CNTN5: variants seen among roughly 807,000 people sequenced by gnomAD.
CNTN5 encodes the protein contactin 5, also known as contactin-5.
A neutral mutation model predicts 129.1 loss-of-function variants in CNTN5; 77 were observed. The ratio of observed to expected loss-of-function variants is 0.60; its 90% CI spans 0.50 to 0.72. The LOEUF (loss-of-function observed/expected upper bound fraction) is 0.72. Among genes scored for constraint, CNTN5 ranks in the 30% least tolerant of loss-of-function variants. The probability of loss-of-function intolerance (pLI) is 0.00; values close to 1 mark genes in which losing one functional copy is unlikely to be tolerated. For synonymous variants in CNTN5, 509 were observed against 465.6 expected, an observed-to-expected ratio of 1.09 and a Z score of -1.20; for missense variants, 1,478 against 1,328.8, an observed-to-expected ratio of 1.11 and a Z score of -1.75.
At chr11:99,456,262 C>T (rs1431361848) in intron 2 of CNTN5, among the ~76,000 whole-genome samples, 3 of 151,846 alleles carry the variant, frequency 2.0e-5, no homozygotes, top group South Asian at 2.1e-4. Context: ...ATCAACCCAC[C>T]GACAGAACTG....
chr11:100,136,596 A>G (rs1414959391), intron 13 of CNTN5, among the ~76,000 whole-genome samples: 1 of 152,068 alleles, frequency 6.6e-6, no homozygotes, highest in East Asian at 1.9e-4. Flanking sequence ...AAAAAAAATC[A>G]TATGAATAAT....
At chr11:99,059,834 TA>T (rs1296534253) in intron 1 of CNTN5, among the ~76,000 whole-genome samples, 2 of 152,084 alleles carry the variant, frequency 1.3e-5, no homozygotes, top group African/African-American at 4.8e-5. Flanking sequence ...ATGTGATGGG[TA>T]AAGTTTAATT....
At chr11:99,995,336 A>C (rs895322704) in intron 8 of CNTN5, among the ~76,000 whole-genome samples, 2 of 151,942 alleles carry the variant, frequency 1.3e-5, no homozygotes, top group Non-Finnish European at 2.9e-5. Flanking sequence ...TAAAAAAAAA[A>C]ACAATAAATA....
chr11:100,287,615 C>A (rs1333611569), intron 18 of CNTN5, among the ~76,000 whole-genome samples: 2 of 151,130 alleles, frequency 1.3e-5, no homozygotes, highest in African/African-American at 4.9e-5. Flanking sequence ...AAGCACTAAA[C>A]ATGGAAAGGA....
At chr11:100,096,105 T>C (rs1268036884) in intron 13 of CNTN5, among the ~76,000 whole-genome samples, 1 of 152,070 alleles carries the variant, frequency 6.6e-6, no homozygotes, top group Non-Finnish European at 1.5e-5. Context: ...TTGCTTGCTT[T>C]AGTGTTTTAC....
chr11:99,378,952 G>A (rs1329798564), intron 2 of CNTN5, among the ~76,000 whole-genome samples: 2 of 152,008 alleles, frequency 1.3e-5, no homozygotes, highest in African/African-American at 2.4e-5. Flanking sequence ...ACATATCAAT[G>A]AGATAGTTTG....
intron 18 of CNTN5, 97 bp downstream of exon 18, chr11:100,271,338 A>C: frequency 1.3e-6 from 1 of 785,272 alleles, no homozygotes; most frequent in Non-Finnish European, 1.9e-6. Context: ...TTGCTTTAGC[A>C]TAATTTGTCC....
At chr11:99,855,297 T>G (rs1947998462) in intron 6 of CNTN5, among the ~76,000 whole-genome samples, 1 of 152,108 alleles carries the variant, frequency 6.6e-6, no homozygotes, top group South Asian at 2.1e-4. Context: ...AGTGAACTCT[T>G]TCTCAGAAAA....
At chr11:99,877,452 A>G (rs1203299882) in intron 6 of CNTN5, among the ~76,000 whole-genome samples, 1 of 152,190 alleles carries the variant, frequency 6.6e-6, no homozygotes, top group African/African-American at 2.4e-5. Context: ...GAAATTTACC[A>G]AAACCACATT....
chr11:100,082,652 G>T (rs1944408583), intron 13 of CNTN5, among the ~76,000 whole-genome samples: 1 of 152,020 alleles, frequency 6.6e-6, no homozygotes, highest in African/African-American at 2.4e-5. Flanking sequence ...TAAAATAATG[G>T]TATATTATCA....
At chr11:99,291,182 G>A (rs573710969) in intron 1 of CNTN5, among the ~76,000 whole-genome samples, 5 of 151,868 alleles carry the variant, frequency 3.3e-5, no homozygotes, top group Non-Finnish European at 5.9e-5. Context: ...ACATTTTCTA[G>A]TGAGGCCATA....
At chr11:99,994,490 T>C (rs1487853897) in intron 8 of CNTN5, among the ~76,000 whole-genome samples, 1 of 152,138 alleles carries the variant, frequency 6.6e-6, no homozygotes, top group Non-Finnish European at 1.5e-5. Flanking sequence ...CTAGAAATAA[T>C]TATATAGAAA....
At chr11:99,083,571 C>A (rs1284989570) in intron 1 of CNTN5, among the ~76,000 whole-genome samples, 1 of 151,870 alleles carries the variant, frequency 6.6e-6, no homozygotes, top group African/African-American at 2.4e-5. Context: ...CTAATACTGG[C>A]TCTAGAAGTG....
chr11:100,018,186 A>C (rs543775059), intron 9 of CNTN5, among the ~76,000 whole-genome samples: 1 of 152,116 alleles, frequency 6.6e-6, no homozygotes, highest in South Asian at 2.1e-4. Flanking sequence ...TTTAAACTGT[A>C]GAATTTAACA....
chr11:99,441,487 G>A (rs1943825530), intron 2 of CNTN5, among the ~76,000 whole-genome samples: 1 of 152,052 alleles, frequency 6.6e-6, no homozygotes. Context: ...CCCTTGCACT[G>A]AACATGTGAA....
Position 100,087,057 on chromosome 11 carries a change from A to G in CNTN5, c.1580+12763A>G, listed in dbSNP as rs575032758. ...AAACAAATATAAGCACAATTAGAAG[A>G]TTGGTAAAGTCAAATATTGATACTT... is the stretch of plus-strand genomic sequence containing the variant. On this transcript the variant is annotated intron_variant, in intron 13 of 24. Coordinates refer to ENST00000524871, the MANE Select transcript of CNTN5 (RefSeq NM_014361.4). Among the ~76,000 whole-genome samples the G allele has an allele frequency of 1.2e-3, 183 of 151,872 alleles. No homozygotes were observed. The Middle Eastern group carries it at 0.024, about 20-fold the overall frequency.
At chr11:99,627,611 G>A (rs1199672069) in intron 3 of CNTN5, among the ~76,000 whole-genome samples, 3 of 151,964 alleles carry the variant, frequency 2.0e-5, no homozygotes, top group East Asian at 3.9e-4. Context: ...TTTATTATAC[G>A]AGTAAGGAGA....
intron 13 of CNTN5, among the ~76,000 whole-genome samples, chr11:100,165,332 C>T (rs1000321803): frequency 6.6e-6 from 1 of 151,716 alleles, no homozygotes; most frequent in Non-Finnish European, 1.5e-5. Context: ...TTGGCCCTCT[C>T]CTCTGTTATC....
intron 2 of CNTN5, among the ~76,000 whole-genome samples, chr11:99,410,895 G>A (rs1179411471): frequency 6.6e-6 from 1 of 152,118 alleles, no homozygotes. Flanking sequence ...GCAGTTTTGT[G>A]CACTCTCCTT....
Sources: allele counts gnomAD v4.1 joint callset (sites outside exome capture counted in the v4.1 genomes callset), GRCh38; gene constraint gnomAD v4.1.1; transcripts MANE v1.5; gene names NCBI Gene and HGNC (gene_info 2026-07-23, HGNC 2026-07-21).